OPN5: variants seen among roughly 807,000 people sequenced by gnomAD.
OPN5 encodes the protein opsin-5.
In OPN5, 18 loss-of-function variants were observed where a neutral mutation model predicts 41.7. The ratio of observed to expected loss-of-function variants is 0.43; its 90% CI spans 0.30 to 0.64. The LOEUF is 0.64. OPN5 is among the 30% of genes least tolerant of loss of function. The pLI, the probability that OPN5 is intolerant of heterozygous loss-of-function variation, is 0.13. For missense variants in OPN5, 318 were observed against 434.5 expected (o/e 0.73, Z 2.38); for synonymous variants, 178 against 164.3 (o/e 1.08, Z -0.64).
chr6:47,782,048 C>T (rs1773104987), exon 1 of OPN5: 2 of 1,610,754 alleles, frequency 1.2e-6, no homozygotes, highest in East Asian at 2.2e-5. Flanking sequence ...TTTCAGATCC[C>T]TCGTGGTTCG....
At chr6:47,801,381 C>T (rs1340809593) in intron 4 of OPN5, among the ~76,000 whole-genome samples, 1 of 152,196 alleles carries the variant, frequency 6.6e-6, no homozygotes, top group Non-Finnish European at 1.5e-5. Flanking sequence ...TGCTCTTTTA[C>T]ATTGACTGTG....
At chr6:47,810,362 G>C (rs1046700056) in intron 5 of OPN5, among the ~76,000 whole-genome samples, 1 of 152,170 alleles carries the variant, frequency 6.6e-6, no homozygotes. Context: ...GTAGCCACCA[G>C]AGGTTTCTTT....
chr6:47,795,174 G>A, intron 3 of OPN5, 55 bp from the exon 4 acceptor site: 1 of 1,279,332 alleles, frequency 7.8e-7, no homozygotes, highest in Non-Finnish European at 1.1e-6. Context: ...ATCGAGGGGA[G>A]GTATCTGGGT....
intron 6 of OPN5, 184 bp downstream of exon 6, chr6:47,811,915 G>T: frequency 2.3e-6 from 1 of 431,030 alleles, no homozygotes; most frequent in Non-Finnish European, 4.2e-6. Context: ...TAGATTACAG[G>T]ATACTAATTT....
At chr6:47,808,798 G>T (rs1454526186) in intron 5 of OPN5, among the ~76,000 whole-genome samples, 1 of 152,142 alleles carries the variant, frequency 6.6e-6, no homozygotes, top group Admixed American at 6.5e-5. Context: ...CTAGCTAAGG[G>T]CATAAAAGTT....
intron 4 of OPN5, among the ~76,000 whole-genome samples, chr6:47,804,276 A>G (rs917011272): frequency 5.9e-5 from 9 of 152,160 alleles, no homozygotes. Context: ...CTGCTTTTTC[A>G]GTGACCTAAA....
intron 4 of OPN5, among the ~76,000 whole-genome samples, chr6:47,796,394 C>G (rs1374612747): frequency 6.6e-6 from 1 of 152,112 alleles, no homozygotes; most frequent in Admixed American, 6.6e-5. Context: ...CTGGTAAAGT[C>G]TAAAGCAGTG....
chr6:47,814,447 A>C (rs1432387058), intron 6 of OPN5, among the ~76,000 whole-genome samples: 1 of 152,156 alleles, frequency 6.6e-6, no homozygotes, highest in African/African-American at 2.4e-5. Context: ...AAAGAGTTTA[A>C]ATTGTCGGAG....
At chr6:47,793,645 T>C (rs1404336102) in intron 3 of OPN5, 1 of 155,124 alleles carries the variant, frequency 6.4e-6, no homozygotes, top group African/African-American at 2.4e-5. Context: ...TTATTCCTTA[T>C]ATTAAGACAA....
At chr6:47,792,035 T>C (rs1773391178) in intron 3 of OPN5, 63 bp downstream of exon 3, 1 of 1,160,032 alleles carries the variant, frequency 8.6e-7, no homozygotes, top group African/African-American at 1.5e-5. Flanking sequence ...GTTAGAACTG[T>C]ACATATTTTA....
In OPN5 at chr6:47,790,490, A is replaced by G. The variant is rs565064068; in HGVS notation, c.251-1312A>G. Reference sequence around the variant, plus strand: ...ATGAACACATGAAAATTGCTGGGCTATATAATTATCCTCCCTCCTTCACCT... The same window carrying G: ...ATGAACACATGAAAATTGCTGGGCTGTATAATTATCCTCCCTCCTTCACCT... On this transcript the variant is annotated intron_variant, in intron 2 of 6. Transcript: ENST00000371211. Among the ~76,000 whole-genome samples the G allele has an allele frequency of 5.3e-5, 8 of 152,290 alleles. No individual in the cohort carries two copies. The East Asian group carries it at 1.5e-3, about 29-fold the overall frequency.
intron 4 of OPN5, among the ~76,000 whole-genome samples, chr6:47,805,402 G>GA (rs1250654750): frequency 7.0e-6 from 1 of 143,830 alleles, no homozygotes; most frequent in African/African-American, 2.5e-5. Context: ...TTGTAAAATG[G>GA]AAAAAAAATT....
At position 47,801,179 on chromosome 6, in the gene OPN5, C is replaced by T. The variant is rs374093643; in HGVS notation, c.756+5616C>T. Reference sequence around the variant, plus strand: ...ACAGTAAGTGAGGCAAAGGAAAATGCTGTGGGTCCTGTTTGCCACTGGACC... The same window carrying T: ...ACAGTAAGTGAGGCAAAGGAAAATGTTGTGGGTCCTGTTTGCCACTGGACC... On this transcript the variant is annotated intron_variant, in intron 4 of 6. Coordinates refer to ENST00000371211, the Ensembl canonical transcript of OPN5. 1.0e-3 allele frequency among the ~76,000 whole-genome samples: 158 copies of T among 152,314 alleles called. 1 individual carries two copies. Among genetic ancestry groups the T allele is most frequent in the African/African-American group, 3.6e-3 (148 of 41,584 alleles).
chr6:47,799,596 C>A (rs951726835), intron 4 of OPN5, among the ~76,000 whole-genome samples: 13 of 152,170 alleles, frequency 8.5e-5, no homozygotes, highest in African/African-American at 3.1e-4. Context: ...GCACTGTAAG[C>A]TACTTCCCCA....
At chr6:47,797,453 C>A (rs1025734058) in intron 4 of OPN5, among the ~76,000 whole-genome samples, 2 of 151,962 alleles carry the variant, frequency 1.3e-5, no homozygotes, top group African/African-American at 2.4e-5. Flanking sequence ...CTGCATCTTT[C>A]AAAAAAGAAA....
At chr6:47,794,181 CAT>C (rs1375521979) in intron 3 of OPN5, among the ~76,000 whole-genome samples, 2 of 152,180 alleles carry the variant, frequency 1.3e-5, no homozygotes, top group Non-Finnish European at 2.9e-5. Context: ...AAAGACTAGA[CAT>C]AGAAGAATTA....
chr6:47,821,295 A>G (rs1423237874), intron 6 of OPN5, among the ~76,000 whole-genome samples: 1 of 152,216 alleles, frequency 6.6e-6, no homozygotes, highest in Non-Finnish European at 1.5e-5. Context: ...CCTTGTGGGG[A>G]ATGCTATGAT....
chr6:47,800,439 G>T (rs543025804), intron 4 of OPN5, among the ~76,000 whole-genome samples: 23 of 152,278 alleles, frequency 1.5e-4, no homozygotes, highest in African/African-American at 5.1e-4. Context: ...GGTCCAGGTG[G>T]AGCTATGAGT....
At chr6:47,820,113 T>C (rs901371895) in intron 6 of OPN5, among the ~76,000 whole-genome samples, 1 of 146,582 alleles carries the variant, frequency 6.8e-6, no homozygotes, top group African/African-American at 2.5e-5. Context: ...ATATTGTCTA[T>C]AGCTGCTTCT....
Sources: gnomAD v4.1 joint callset for allele counts (sites outside exome capture counted in the v4.1 genomes callset) on GRCh38, gnomAD v4.1.1 for gene constraint, MANE v1.5 for transcripts, NCBI Gene and HGNC (gene_info 2026-07-23, HGNC 2026-07-21) for gene names.